The following NOL10 variants were observed in gnomAD, a reference collection of about 807,000 sequenced individuals.
NOL10 encodes the protein nucleolar protein 10, also known as H_NH0074G24.1.
NOL10 carries 58 observed loss-of-function variants against 103.5 expected under a neutral mutation model. The observed-to-expected ratio is 0.56, with a 90% CI of 0.45 to 0.70. The LOEUF (loss-of-function observed/expected upper bound fraction) is 0.70, where lower values mean the gene tolerates loss of function less well. Ranked by LOEUF, NOL10 falls within the 30% of genes least tolerant of loss-of-function variation. NOL10 has a pLI of 0.00. For synonymous variants in NOL10, 287 were observed against 282.5 expected (o/e 1.02, Z -0.16); for missense variants, 763 against 807.3 (o/e 0.95, Z 0.67).
chr2:10,665,937 T>C (rs1680539706), intron 8 of NOL10, among the ~76,000 whole-genome samples: 1 of 152,204 alleles, frequency 6.6e-6, no homozygotes, highest in Non-Finnish European at 1.5e-5. Flanking sequence ...TTTGTTACAC[T>C]GGTATATTGC....
rs2148364023 is a variant in NOL10, at chr2:10,682,041, C to G, written c.141G>C (p.Gln47His). 9 of 1,522,528 alleles carry G rather than the reference C, an allele frequency of 5.9e-6. No homozygotes were observed. Among genetic ancestry groups the G allele is most frequent in the Non-Finnish European group, 7.9e-6 (9 of 1,132,196 alleles). The allele number at this position is 1,522,528 out of a possible 1,614,324, so 94.3% of individuals were successfully genotyped here. Residue 47 changes from glutamine (Q) to histidine (H), a missense_variant, in exon 3 of 21, where the codon CAG becomes CAC. Transcript: ENST00000381685. ...VDVRRRIELIQDFEMPTVCTT... is the reference protein window; with the variant it reads ...VDVRRRIELIHDFEMPTVCTT... ...TACACACAGTAGGCATTTCAAAGTC[C>G]TGAATAAGTTCAATTCTCCTACGGA...
chr2:10,615,390 AG>A (rs1305372581), intron 13 of NOL10, among the ~76,000 whole-genome samples: 1 of 152,244 alleles, frequency 6.6e-6, no homozygotes, highest in East Asian at 1.9e-4. Context: ...TCTCACTAAT[AG>A]CCCATCAAGC....
chr2:10,601,691 T>C (rs1392886885), intron 16 of NOL10, among the ~76,000 whole-genome samples: 1 of 152,144 alleles, frequency 6.6e-6, no homozygotes, highest in East Asian at 1.9e-4. Context: ...TGTGCGCCTA[T>C]AGTCCCTAGC....
chr2:10,574,821 G>A (rs1674370166), intron 20 of NOL10, among the ~76,000 whole-genome samples: 1 of 152,186 alleles, frequency 6.6e-6, no homozygotes, highest in Non-Finnish European at 1.5e-5. Context: ...TAATCTTCCA[G>A]AGTCACCATT....
chr2:10,599,472 A>G (rs760827099), intron 17 of NOL10, among the ~76,000 whole-genome samples: 6 of 152,222 alleles, frequency 3.9e-5, no homozygotes, highest in Non-Finnish European at 8.8e-5. Context: ...TAAACACTTA[A>G]AGATATATAT....
chr2:10,647,853 G>A (rs1679187674), intron 12 of NOL10, among the ~76,000 whole-genome samples: 1 of 152,232 alleles, frequency 6.6e-6, no homozygotes, highest in South Asian at 2.1e-4. Context: ...CTGTAAGGCA[G>A]GTGAGAATTC....
chr2:10,595,523 C>T (rs1157560502), intron 17 of NOL10, among the ~76,000 whole-genome samples: 6 of 152,100 alleles, frequency 3.9e-5, no homozygotes, highest in Non-Finnish European at 7.4e-5. Context: ...TCTTGAACTC[C>T]TGGGCTCAAG....
intron 4 of NOL10, among the ~76,000 whole-genome samples, chr2:10,675,142 A>C (rs1163788388): frequency 1.3e-5 from 2 of 152,172 alleles, no homozygotes; most frequent in Admixed American, 6.5e-5. Context: ...GTTCAAGGCT[A>C]CAGTAAACTA....
intron 17 of NOL10, among the ~76,000 whole-genome samples, chr2:10,599,591 T>G (rs578137528): frequency 6.6e-6 from 1 of 152,352 alleles, no homozygotes; most frequent in East Asian, 1.9e-4. Flanking sequence ...TGGCATACTA[T>G]TCATGTCATG....
At chr2:10,592,718 A>G (rs889654177) in intron 17 of NOL10, among the ~76,000 whole-genome samples, 1 of 152,234 alleles carries the variant, frequency 6.6e-6, no homozygotes, top group African/African-American at 2.4e-5. Context: ...GCTGGTATTA[A>G]GATTTTTTTC....
At chr2:10,686,917 G>A (rs918279657) in intron 1 of NOL10, among the ~76,000 whole-genome samples, 11 of 152,160 alleles carry the variant, frequency 7.2e-5, no homozygotes, top group South Asian at 4.1e-4. Context: ...ACATCCAAGC[G>A]GGGATGTCAA....
At chr2:10,658,126 TACTA>T (rs1679966717) in intron 10 of NOL10, among the ~76,000 whole-genome samples, 1 of 152,162 alleles carries the variant, frequency 6.6e-6, no homozygotes, top group Non-Finnish European at 1.5e-5. Flanking sequence ...CTACTGAACA[TACTA>T]AGAAAGAACA....
chr2:10,689,842 T>C lies in NOL10; in HGVS notation c.20A>G (p.Asn7Ser), dbSNP rs751160388. The C allele has an allele frequency of 1.2e-5, 20 of 1,607,546 alleles. No individual in the cohort carries two copies. The highest frequency in any genetic ancestry group is 1.6e-4 in the Middle Eastern group (1 of 6,070). ...GCTGAGGCTGTAAATCTTCACCTCA[T>C]TGAGGCTGGAGACCTGCATGGCGCC... MQVSSL[N>S]EVKIYSLSCG... is the part of the protein sequence containing the mutation. Residue 7 changes from asparagine (N) to serine (S), a missense_variant, in exon 1 of 21, where the codon AAT (asparagine) becomes AGT (serine). Asn to Ser is a conservative substitution (Grantham distance 46). Coordinates refer to ENST00000381685, the MANE Select transcript of NOL10 (RefSeq NM_024894.4).
At chr2:10,616,217 A>ATTTTTT (rs533351651) in intron 13 of NOL10, among the ~76,000 whole-genome samples, 1 of 95,616 alleles carries the variant, frequency 1.0e-5, no homozygotes, top group South Asian at 4.2e-4. Context: ...ACCACCCTGC[A>ATTTTTT]TTTTTTTTTT....
chr2:10,647,843 C>T (rs1402544549), intron 12 of NOL10, among the ~76,000 whole-genome samples: 3 of 152,210 alleles, frequency 2.0e-5, no homozygotes, highest in Admixed American at 1.3e-4. Flanking sequence ...TTCAACAGCC[C>T]TGTAAGGCAG....
rs187576785 is a variant in NOL10, at chr2:10,628,011, T to G, written c.1026+16309A>C. Among the ~76,000 whole-genome samples the G allele has an allele frequency of 3.0e-3, 455 of 152,312 alleles. 4 individuals are homozygous for G. The highest frequency in any genetic ancestry group is 0.01 in the African/African-American group (432 of 41,572). ...TTCAAATTTGTCTTTTTCCTCCTTT[T>G]AGAAGCTGTGAAAGGCGAGTGCTTC... On this transcript the variant is annotated intron_variant, in intron 13 of 20. Transcript: ENST00000381685.
At chr2:10,578,296 ATGAAC>A (rs1674559959) in intron 19 of NOL10, among the ~76,000 whole-genome samples, 2 of 152,228 alleles carry the variant, frequency 1.3e-5, no homozygotes, top group South Asian at 4.1e-4. Context: ...ATCCCACAGC[ATGAAC>A]AGCTTGAAAC....
chr2:10,600,126 A>G (rs1344449250), intron 17 of NOL10, among the ~76,000 whole-genome samples: 1 of 152,158 alleles, frequency 6.6e-6, no homozygotes, highest in Non-Finnish European at 1.5e-5. Context: ...AACTCATTCC[A>G]GCACATAACC....
chr2:10,607,067 G>C, intron 14 of NOL10, 118 bp downstream of exon 14: 1 of 555,996 alleles, frequency 1.8e-6, no homozygotes, highest in Non-Finnish European at 2.9e-6. Context: ...TGATTTGGCA[G>C]AAAGGGAAGA....
Sources: gnomAD v4.1 joint callset for allele counts (sites outside exome capture counted in the v4.1 genomes callset) on GRCh38, gnomAD v4.1.1 for gene constraint, MANE v1.5 for transcripts, NCBI Gene and HGNC (gene_info 2026-07-23, HGNC 2026-07-21) for gene names.